TYW5: variants seen among roughly 807,000 people sequenced by gnomAD.
TYW5 encodes tRNA wybutosine-synthesizing protein 5.
In TYW5, 36 loss-of-function variants were observed where a neutral mutation model predicts 44.4. The observed-to-expected ratio is 0.81, with a 90% confidence interval of 0.62 to 1.07. The LOEUF is 1.07. Among genes scored for constraint, TYW5 ranks in the 50% least tolerant of loss-of-function variants. The probability of loss-of-function intolerance (pLI) is 0.00; values close to 1 mark genes in which losing one functional copy is unlikely to be tolerated. For missense variants in TYW5, 354 were observed against 365.7 expected, an observed-to-expected ratio of 0.97 and a Z score of 0.26; for synonymous variants, 121 against 128.1, an observed-to-expected ratio of 0.94 and a Z score of 0.37.
chr2:199,939,837 T>G (rs2077450463), intron 4 of TYW5, among the ~76,000 whole-genome samples: 1 of 152,176 alleles, frequency 6.6e-6, no homozygotes, highest in Non-Finnish European at 1.5e-5. Flanking sequence ...AAATATACAG[T>G]AGAAGAGATT....
chr2:199,935,901 T>C (rs776404225), intron 7 of TYW5, 30 bp downstream of exon 7: 9 of 1,391,890 alleles, frequency 6.5e-6, no homozygotes, highest in South Asian at 1.2e-5. Context: ...ATTTTATAAA[T>C]AGCACATTAG....
At chr2:199,943,051 T>C (rs1336069528) in intron 3 of TYW5, 1 of 152,198 alleles carries the variant, frequency 6.6e-6, no homozygotes, top group Admixed American at 6.5e-5. Context: ...AGACTGGGTT[T>C]CTCCATGTTG....
chr2:199,932,988 T>G lies in TYW5; in HGVS notation c.*79A>C. The G allele has an allele frequency of 1.3e-6, 2 of 1,497,718 alleles. No individual in the cohort carries two copies. The highest frequency in any genetic ancestry group is 1.8e-6 in the Non-Finnish European group (2 of 1,111,064). The allele number at this position is 1,497,718 out of a possible 1,614,324, so 92.8% of individuals were successfully genotyped here. On this transcript the variant is annotated 3_prime_UTR_variant, in exon 8 of 8. Transcript: ENST00000354611. ...CATAATCTGTAAATCTGATGTATCT[T>G]TCCTATTTTAACAAAATCTTTAATT... is the stretch of plus-strand genomic sequence containing the variant.
At position 199,935,545 on chromosome 2, in the gene TYW5, G is replaced by T. The variant is rs534753238; in HGVS notation, c.691+386C>A. Among the ~76,000 whole-genome samples, 3 of 149,990 alleles carry T rather than the reference G, an allele frequency of 2.0e-5. 1 individual carries two copies. The highest frequency in any genetic ancestry group is 4.4e-5 in the Non-Finnish European group (3 of 67,486). On this transcript the variant is annotated intron_variant, in intron 7 of 7. Coordinates refer to ENST00000354611, the MANE Select transcript of TYW5 (RefSeq NM_001039693.3). ...TTTATTTTTGTCGAGACGGGGTCTC[G>T]CTATGTTGCCCATGCTGGTCTTGCA...
Position 199,940,136 on chromosome 2 carries a change from T to G in TYW5, c.304-3A>C, listed in dbSNP as rs1371080052. 2 of 1,612,382 alleles carry G rather than the reference T, an allele frequency of 1.2e-6. No homozygotes were observed. Among genetic ancestry groups the G allele is most frequent in the Non-Finnish European group, 1.7e-6 (2 of 1,179,192 alleles). ...GACCGTAAGTAGTATTTCTCATCCT[T>G]AAACACCCCAGAGAAAAATAACATC... On this transcript the variant is annotated splice_polypyrimidine_tract_variant and splice_region_variant and intron_variant, in intron 3 of 7. Transcript: ENST00000354611.
In TYW5 at chr2:199,932,960, T is replaced by G. The variant is rs1458456148; in HGVS notation, c.*107A>C. On this transcript the variant is annotated 3_prime_UTR_variant, in exon 8 of 8. Transcript: ENST00000354611. ...AATCCACACAAACACCCCTTCGTACTTACATAATCTGTAAATCTGATGTAT... is the reference window on the plus strand; with the variant it reads ...AATCCACACAAACACCCCTTCGTACGTACATAATCTGTAAATCTGATGTAT... 11 of 1,328,434 alleles carry G rather than the reference T, an allele frequency of 8.3e-6. No homozygotes were observed. The African/African-American group carries it at 1.6e-4, about 20-fold the overall frequency. The allele number at this position is 1,328,434 out of a possible 1,614,324, so 82.3% of individuals were successfully genotyped here. A position where few individuals can be genotyped will look rare whatever the true frequency, so the allele number is the denominator to read the frequency against.
chr2:199,953,582 G>A (rs1490172234), intron 1 of TYW5, among the ~76,000 whole-genome samples: 2 of 152,100 alleles, frequency 1.3e-5, no homozygotes, highest in African/African-American at 4.8e-5. Flanking sequence ...AATTTCCATA[G>A]GAATAGGTAT....
At chr2:199,952,613 A>G (rs1030222681) in intron 1 of TYW5, among the ~76,000 whole-genome samples, 16 of 152,052 alleles carry the variant, frequency 1.1e-4, no homozygotes, top group African/African-American at 3.6e-4. Flanking sequence ...CCCACTTTGT[A>G]TTTGTCTTTC....
intron 4 of TYW5, 47 bp from the exon 5 acceptor site, chr2:199,939,117 G>A: frequency 6.6e-7 from 1 of 1,523,974 alleles, no homozygotes; most frequent in South Asian, 1.3e-5. Flanking sequence ...TAGACCCTAT[G>A]ATATTAAGGA....
rs1046145291 is a variant in TYW5 at position 199,929,417 on chromosome 2, A to G, written c.*3650T>C. Reference sequence around the variant, plus strand: ...TGGCTTGTATGCTTGAAACAAGACTAAGGTAACACCAGAGATGTGTGGGTG... The same window carrying G: ...TGGCTTGTATGCTTGAAACAAGACTGAGGTAACACCAGAGATGTGTGGGTG... On this transcript the variant is annotated 3_prime_UTR_variant, in exon 8 of 8. Transcript: ENST00000354611. Among the ~76,000 whole-genome samples the G allele has an allele frequency of 1.3e-5, 2 of 152,098 alleles. No individual in the cohort carries two copies. The highest frequency in any genetic ancestry group is 4.8e-5 in the African/African-American group (2 of 41,386).
intron 1 of TYW5, among the ~76,000 whole-genome samples, chr2:199,949,458 CCTTTG>C (rs1489985942): frequency 2.6e-5 from 4 of 152,150 alleles, no homozygotes; most frequent in African/African-American, 9.7e-5. Context: ...CCAATGATTT[CCTTTG>C]CTTTATTTTT....
At chr2:199,950,964 T>C (rs1293928750) in intron 1 of TYW5, among the ~76,000 whole-genome samples, 1 of 152,246 alleles carries the variant, frequency 6.6e-6, no homozygotes, top group Non-Finnish European at 1.5e-5. Flanking sequence ...TTTGTAAACA[T>C]TTATTCCTTG....
At chr2:199,936,996 ATTTTCT>A (rs759633994) in intron 5 of TYW5, among the ~76,000 whole-genome samples, 3 of 151,784 alleles carry the variant, frequency 2.0e-5, no homozygotes, top group Non-Finnish European at 2.9e-5. Context: ...AATCTCACAG[ATTTTCT>A]TTTTTTTTCC....
At chr2:199,952,331 G>A (rs1467233727) in intron 1 of TYW5, among the ~76,000 whole-genome samples, 1 of 152,172 alleles carries the variant, frequency 6.6e-6, no homozygotes. Context: ...GAGTATGCCA[G>A]TTTCTTCAGG....
At chr2:199,952,016 CAA>C (rs557573511) in intron 1 of TYW5, among the ~76,000 whole-genome samples, 1 of 108,692 alleles carries the variant, frequency 9.2e-6, no homozygotes. Context: ...GACTCCGTCT[CAA>C]AAAAAAAAAA....
chr2:199,948,252 CA>C, intron 2 of TYW5, 65 bp downstream of exon 2: 3 of 1,558,592 alleles, frequency 1.9e-6, no homozygotes, highest in South Asian at 1.1e-5. Context: ...TATAATAATG[CA>C]AAAATATTTT....
intron 4 of TYW5, 48 bp from the exon 5 acceptor site, chr2:199,939,118 A>G (rs2077444080): frequency 6.6e-7 from 1 of 1,523,178 alleles, no homozygotes; most frequent in East Asian, 2.3e-5. Flanking sequence ...AGACCCTATG[A>G]TATTAAGGAA....
intron 1 of TYW5, among the ~76,000 whole-genome samples, chr2:199,953,563 T>C (rs17629151): frequency 0.013 from 1,925 of 152,332 alleles, 56 homozygotes; most frequent in East Asian, 0.098. Context: ...TCATGCTTAT[T>C]ATACACTAAA....
chr2:199,952,356 G>A (rs2077552476), intron 1 of TYW5, among the ~76,000 whole-genome samples: 1 of 152,172 alleles, frequency 6.6e-6, no homozygotes, highest in Admixed American at 6.5e-5. Flanking sequence ...CACCAAGAGA[G>A]TATTACCAGA....
Sources: gnomAD v4.1 joint callset for allele counts (sites outside exome capture counted in the v4.1 genomes callset) on GRCh38, gnomAD v4.1.1 for gene constraint, MANE v1.5 for transcripts, NCBI Gene and HGNC (gene_info 2026-07-23, HGNC 2026-07-21) for gene names.